The following ALG6 variants were observed in gnomAD, a reference collection of about 807,000 sequenced individuals.
ALG6 encodes the protein dolichyl pyrophosphate Man9GlcNAc2 alpha-1,3-glucosyltransferase.
A neutral mutation model predicts 66.6 loss-of-function variants in ALG6; 46 were observed. The ratio of observed to expected loss-of-function variants is 0.69; its 90% CI spans 0.55 to 0.88. The LOEUF (loss-of-function observed/expected upper bound fraction) is 0.88, where lower values mean the gene tolerates loss of function less well. Ranked by LOEUF, ALG6 falls within the 40% of genes least tolerant of loss-of-function variation. ALG6 has a pLI of 0.00. For synonymous variants in ALG6, 185 were observed against 203.7 expected (o/e 0.91, Z 0.78); for missense variants, 505 against 586.8 (o/e 0.86, Z 1.44).
At position 63,402,924 on chromosome 1, in the gene ALG6, A is replaced by G. The variant is rs368567062; in HGVS notation, c.257+581A>G. ...ATCCTGGCTAACATGGTGAAACCCCATCTCTACTAAAAATACAAAAATTAG... is the reference window on the plus strand; with the variant it reads ...ATCCTGGCTAACATGGTGAAACCCCGTCTCTACTAAAAATACAAAAATTAG... On this transcript the variant is annotated intron_variant, in intron 4 of 14. Transcript: ENST00000263440. Among the ~76,000 whole-genome samples the G allele has an allele frequency of 7.4e-3, 1,119 of 151,264 alleles. 9 individuals are homozygous for G. Among genetic ancestry groups the G allele is most frequent in the African/African-American group, 0.024 (996 of 41,342 alleles).
intron 7 of ALG6, 89 bp downstream of exon 7, chr1:63,407,215 A>C: frequency 1.1e-6 from 1 of 918,160 alleles, no homozygotes; most frequent in Non-Finnish European, 1.8e-6. Flanking sequence ...GTAATGTCTT[A>C]TTTGATAGAG....
chr1:63,422,854 G>T (rs1368262591), intron 12 of ALG6, among the ~76,000 whole-genome samples: 1 of 151,774 alleles, frequency 6.6e-6, no homozygotes, highest in East Asian at 1.9e-4. Context: ...ACTCGGGAGG[G>T]TGAGGCAGGA....
At chr1:63,385,847 G>A (rs1648487071) in intron 2 of ALG6, among the ~76,000 whole-genome samples, 1 of 149,182 alleles carries the variant, frequency 6.7e-6, no homozygotes, top group African/African-American at 2.5e-5. Flanking sequence ...AAGACTAACA[G>A]CACTATGTTG....
At chr1:63,399,104 GT>G (rs1644430704) in intron 3 of ALG6, among the ~76,000 whole-genome samples, 1 of 152,102 alleles carries the variant, frequency 6.6e-6, no homozygotes, top group Non-Finnish European at 1.5e-5. Context: ...GGCAGAATTA[GT>G]TTCCTTGCAT....
rs564013184 is a variant in ALG6 at position 63,400,370 on chromosome 1, T to TATAC, written c.168-1884_168-1883insATAC. 4.6e-5 allele frequency among the ~76,000 whole-genome samples: 6 copies of TATAC among 130,890 alleles called. 1 individual carries two copies. The highest frequency in any genetic ancestry group is 1.8e-4 in the African/African-American group (6 of 32,944). The allele number at this position is 130,890 out of a possible 152,430, so 85.9% of individuals were successfully genotyped here. A position where few individuals can be genotyped will look rare whatever the true frequency, so the allele number is the denominator to read the frequency against. On this transcript the variant is annotated intron_variant, in intron 3 of 14. Transcript: ENST00000263440. The stretch of plus-strand genomic sequence containing the variant: ...ATATGTATATATATATGTATATATA[T>TATAC]GTATATATATATAAAATATAAAGCA...
At chr1:63,383,496 GC>G (rs913111554) in intron 2 of ALG6, among the ~76,000 whole-genome samples, 8 of 151,884 alleles carry the variant, frequency 5.3e-5, no homozygotes, top group African/African-American at 1.9e-4. Context: ...GTTCACTGCA[GC>G]CTTGATCCCC....
At chr1:63,391,963 T>C (rs1456257343) in intron 2 of ALG6, among the ~76,000 whole-genome samples, 4 of 152,176 alleles carry the variant, frequency 2.6e-5, no homozygotes, top group African/African-American at 9.7e-5. Flanking sequence ...GTGTTACCAG[T>C]GTCTTTAAGG....
chr1:63,370,673 C>T (rs974377636), intron 1 of ALG6, 98 bp from the exon 2 acceptor site: 1 of 345,238 alleles, frequency 2.9e-6, no homozygotes, highest in East Asian at 6.6e-5. Flanking sequence ...CCCACTACCC[C>T]TCCCCTCGAA....
Position 63,430,127 on chromosome 1 carries a change from G to A in ALG6, c.1326+1001G>A, listed in dbSNP as rs112604144. On this transcript the variant is annotated intron_variant, in intron 14 of 14. Transcript: ENST00000263440. ...TGAACTCCTGACCTCATGATCTGCC[G>A]GCCTTGGCCTCCCAAAGTGCTGGGA... Among the ~76,000 whole-genome samples the A allele has an allele frequency of 5.1e-3, 773 of 152,058 alleles. 6 individuals carry two copies. The highest frequency in any genetic ancestry group is 8.9e-3 in the Non-Finnish European group (608 of 67,972).
intron 6 of ALG6, among the ~76,000 whole-genome samples, chr1:63,406,650 T>G (rs1051557578): frequency 6.6e-6 from 1 of 152,130 alleles, no homozygotes; most frequent in African/African-American, 2.4e-5. Flanking sequence ...AATTTGTTAC[T>G]TTACTGGTAA....
intron 12 of ALG6, among the ~76,000 whole-genome samples, chr1:63,422,414 A>T (rs982575439): frequency 2.6e-4 from 5 of 18,980 alleles, no homozygotes; most frequent in African/African-American, 1.0e-3. Flanking sequence ...TATAAATATA[A>T]ATATATATAT....
rs772957444 is a variant in ALG6 at position 63,436,861 on chromosome 1, G to A, written c.1365G>A (p.Leu455=). ...TCATCACTATGGTGCTTCTGACGTT[G>A]ATGACTGTCACACTGGATCCTCCTC... ...ISVITMVLLT[L]MTVTLDPPQK... The change falls in exon 15 of 15, where the codon TTG becomes TTA. Residue 455 remains leucine (L), a synonymous_variant. Transcript: ENST00000263440. The A allele has an allele frequency of 1.7e-5, 27 of 1,613,600 alleles. No individual in the cohort carries two copies. The highest frequency in any genetic ancestry group is 4.4e-5 in the South Asian group (4 of 91,072).
intron 2 of ALG6, among the ~76,000 whole-genome samples, chr1:63,378,686 C>A (rs1648208148): frequency 6.6e-6 from 1 of 152,074 alleles, no homozygotes; most frequent in Non-Finnish European, 1.5e-5. Flanking sequence ...AATATTGTAT[C>A]TTCCTCATTT....
chr1:63,406,124 C>T (rs1013143302), intron 5 of ALG6, among the ~76,000 whole-genome samples, 193 bp from the exon 6 acceptor site: 1 of 151,964 alleles, frequency 6.6e-6, no homozygotes, highest in African/African-American at 2.4e-5. Context: ...TTAAGAGACT[C>T]CTTTGCAATA....
intron 2 of ALG6, among the ~76,000 whole-genome samples, chr1:63,372,346 C>T (rs1647955771): frequency 6.6e-6 from 1 of 151,944 alleles, no homozygotes; most frequent in South Asian, 2.1e-4. Flanking sequence ...GTTGTAAGAG[C>T]TATGATATAT....
chr1:63,391,343 CTT>C (rs967582652), intron 2 of ALG6, among the ~76,000 whole-genome samples: 1 of 152,108 alleles, frequency 6.6e-6, no homozygotes, highest in Non-Finnish European at 1.5e-5. Context: ...TTTATACTAA[CTT>C]TGATGAAGAG....
At chr1:63,413,252 C>T (rs1440631403) in intron 9 of ALG6, among the ~76,000 whole-genome samples, 1 of 152,178 alleles carries the variant, frequency 6.6e-6, no homozygotes, top group African/African-American at 2.4e-5. Flanking sequence ...TAAACTCTAA[C>T]ACTTACATAA....
At chr1:63,415,684 A>G (rs1020479568) in intron 10 of ALG6, among the ~76,000 whole-genome samples, 189 bp from the exon 11 acceptor site, 6 of 152,074 alleles carry the variant, frequency 3.9e-5, no homozygotes, top group African/African-American at 1.4e-4. Context: ...AAAAGTATAT[A>G]TATATATCAA....
At chr1:63,413,921 G>A in intron 9 of ALG6, 140 bp from the exon 10 acceptor site, 1 of 639,194 alleles carries the variant, frequency 1.6e-6, no homozygotes, top group Non-Finnish European at 2.8e-6. Flanking sequence ...TATTCCTGGA[G>A]GATTTAATCT....
Sources: allele counts gnomAD v4.1 joint callset (sites outside exome capture counted in the v4.1 genomes callset), GRCh38; gene constraint gnomAD v4.1.1; transcripts MANE v1.5; gene names NCBI Gene and HGNC (gene_info 2026-07-23, HGNC 2026-07-21).